Variants in EXO1 observed in about 807,000 individuals in gnomAD.
EXO1 encodes exonuclease 1.
Under a neutral mutation model 84.5 loss-of-function variants are expected in EXO1, and 69 were observed. The observed-to-expected ratio is 0.82, with a 90% CI of 0.67 to 1.00. The LOEUF (loss-of-function observed/expected upper bound fraction) is 1.00, where lower values mean the gene tolerates loss of function less well. EXO1 is among the 50% of genes least tolerant of loss of function. EXO1 has a pLI of 0.00. For synonymous variants in EXO1, 373 were observed against 366.1 expected (o/e 1.02, Z -0.21); for missense variants, 1,045 against 1,000.7 (o/e 1.04, Z -0.60).
intron 12 of EXO1, among the ~76,000 whole-genome samples, chr1:241,876,900 T>C (rs143530227): frequency 7.2e-5 from 11 of 152,208 alleles, no homozygotes; most frequent in Non-Finnish European, 1.5e-4. Context: ...TTTCACACAC[T>C]GTTCACCTCC....
rs147187589 is a variant in EXO1, at chr1:241,859,899, G to A, written c.757-618G>A. On this transcript the variant is annotated intron_variant, in intron 8 of 15. Coordinates refer to ENST00000366548, the MANE Select transcript of EXO1 (RefSeq NM_130398.4). The stretch of plus-strand genomic sequence containing the variant: ...ATTTTTCTATTTCCAGGAGTATAAG[G>A]CCTGAGTCCTCAGGACTAAGAGTGA... Among the ~76,000 whole-genome samples the A allele has an allele frequency of 5.0e-4, 76 of 152,246 alleles. 1 individual carries two copies. Among genetic ancestry groups the A allele is most frequent in the African/African-American group, 1.7e-3 (69 of 41,544 alleles).
At chr1:241,861,320 A>G in intron 9 of EXO1, 86 bp from the exon 10 acceptor site, 1 of 763,254 alleles carries the variant, frequency 1.3e-6, no homozygotes, top group South Asian at 1.4e-5. Context: ...GATTTTCGTG[A>G]CAATAGAAAA....
chr1:241,883,042 G>A lies in EXO1; in HGVS notation c.2211+1025G>A, dbSNP rs1574185877. ...AAATAACCTAAATAACAATAAGGGA[G>A]TGAGTTATTAAATAATCATTGGTTT... On this transcript the variant is annotated intron_variant, in intron 14 of 15. Coordinates refer to ENST00000366548, the MANE Select transcript of EXO1 (RefSeq NM_130398.4). 2.0e-5 allele frequency among the ~76,000 whole-genome samples: 3 copies of A among 152,180 alleles called. No homozygotes were observed. In the South Asian group the frequency reaches 6.2e-4, roughly 31 times the overall value.
At chr1:241,875,604 C>T (rs546114398) in intron 12 of EXO1, among the ~76,000 whole-genome samples, 1 of 152,254 alleles carries the variant, frequency 6.6e-6, no homozygotes, top group South Asian at 2.1e-4. Flanking sequence ...TTGGGCCGGC[C>T]GTGGTGGTTC....
At chr1:241,880,220 G>C (rs188093449) in intron 13 of EXO1, among the ~76,000 whole-genome samples, 25 of 152,056 alleles carry the variant, frequency 1.6e-4, no homozygotes, top group Admixed American at 1.2e-3. Flanking sequence ...TCTTTATCTC[G>C]TCTTTTTCAT....
In EXO1 at chr1:241,852,418, T is replaced by G. The variant is rs1451980366; in HGVS notation, c.281+7T>G. On this transcript the variant is annotated splice_region_variant and intron_variant, in intron 5 of 15. Coordinates refer to ENST00000366548, the MANE Select transcript of EXO1 (RefSeq NM_130398.4). ...TAGAGAGATCTAGAAGAGAGTAAGT[T>G]AATTCTCTACTTAATCTCTAACTTC... The G allele has an allele frequency of 1.3e-6, 2 of 1,594,404 alleles. No individual in the cohort carries two copies. Among genetic ancestry groups the G allele is most frequent in the East Asian group, 4.5e-5 (2 of 44,736 alleles).
Position 241,866,994 on chromosome 1 carries a change from G to T in EXO1, c.1206G>T (p.Val402=). 1 of 1,614,086 alleles carries T rather than the reference G, an allele frequency of 6.2e-7. No homozygotes were observed. The highest frequency in any genetic ancestry group is 8.5e-7 in the Non-Finnish European group (1 of 1,179,972). ...ENPSTVGVER[V]ISTKGLNLPR... ...CAAGTACTGTGGGAGTGGAACGAGT[G>T]ATTAGTACTAAAGGGTTAAATCTCC... Residue 402 remains valine, a synonymous_variant, in exon 11 of 16, where the codon GTG becomes GTT. Coordinates refer to ENST00000366548, the MANE Select transcript of EXO1 (RefSeq NM_130398.4).
At chr1:241,857,812 C>A (rs1661150510) in intron 7 of EXO1, among the ~76,000 whole-genome samples, 1 of 151,910 alleles carries the variant, frequency 6.6e-6, no homozygotes, top group African/African-American at 2.4e-5. Flanking sequence ...TGTGGACGTA[C>A]CAGTTTTATT....
intron 11 of EXO1, among the ~76,000 whole-genome samples, chr1:241,868,052 G>T (rs1392022979): frequency 6.6e-6 from 1 of 151,894 alleles, no homozygotes; most frequent in Non-Finnish European, 1.5e-5. Flanking sequence ...ACCAGGCTTG[G>T]CAACACACTG....
intron 13 of EXO1, among the ~76,000 whole-genome samples, chr1:241,880,694 C>T (rs927823278): frequency 1.3e-5 from 2 of 152,166 alleles, no homozygotes; most frequent in Non-Finnish European, 2.9e-5. Flanking sequence ...TATAATCTTT[C>T]TTTGATGGAG....
In EXO1 at chr1:241,850,401, C is replaced by G. The variant is rs1366844278; in HGVS notation, c.-17-8C>G. The G allele has an allele frequency of 1.9e-6, 3 of 1,581,400 alleles. No individual in the cohort carries two copies. Among genetic ancestry groups the G allele is most frequent in the Non-Finnish European group, 2.6e-6 (3 of 1,150,584 alleles). On this transcript the variant is annotated splice_polypyrimidine_tract_variant and splice_region_variant and intron_variant, in intron 3 of 15. Transcript: ENST00000366548. Reference sequence around the variant, plus strand: ...TATTACTGTTCTCCCTGTCTCTTTTCATATCAGGTAGTTAATTTGGCACCA... The same window carrying G: ...TATTACTGTTCTCCCTGTCTCTTTTGATATCAGGTAGTTAATTTGGCACCA...
At chr1:241,859,587 C>T (rs1221779037) in intron 8 of EXO1, among the ~76,000 whole-genome samples, 1 of 152,152 alleles carries the variant, frequency 6.6e-6, no homozygotes, top group Non-Finnish European at 1.5e-5. Context: ...ACTTGGGCCC[C>T]ATCCCTAAGT....
rs1574198161 is a variant in EXO1, at chr1:241,889,703, C to T, written c.*103C>T. 1 of 1,132,116 alleles carries T rather than the reference C, an allele frequency of 8.8e-7. No individual in the cohort carries two copies. The highest frequency in any genetic ancestry group is 2.4e-5 in the East Asian group (1 of 42,446). The allele number at this position is 1,132,116 out of a possible 1,614,324, so 70.1% of individuals were successfully genotyped here. A position where few individuals can be genotyped will look rare whatever the true frequency, so the allele number is the denominator to read the frequency against. Reference sequence around the variant, plus strand: ...TCAGCATGAAGAATTTTTTCTCATTCTGTGCCATTTTAAAAATAGAATACA... The same window carrying T: ...TCAGCATGAAGAATTTTTTCTCATTTTGTGCCATTTTAAAAATAGAATACA... On this transcript the variant is annotated 3_prime_UTR_variant, in exon 16 of 16. Coordinates refer to ENST00000366548, the MANE Select transcript of EXO1 (RefSeq NM_130398.4).
rs778890937 is a variant in EXO1 at position 241,872,278 on chromosome 1, G to A, written c.1514G>A (p.Arg505Lys). The A allele has an allele frequency of 4.3e-6, 7 of 1,613,848 alleles. No individual in the cohort carries two copies. Among genetic ancestry groups the A allele is most frequent in the Non-Finnish European group, 5.9e-6 (7 of 1,179,836 alleles). Reference sequence around the variant, plus strand: ...GTTGTGGTTCCAGGGACCAGAAGCAGGTATAGTTATGTCTCCAGAATGTTG... The same window carrying A: ...GTTGTGGTTCCAGGGACCAGAAGCAAGTATAGTTATGTCTCCAGAATGTTG... Reference protein sequence around the residue: ...GAVVVPGTRSRFFCSSDSTDC... With the variant: ...GAVVVPGTRSKFFCSSDSTDC... Residue 505 changes from arginine to lysine, a missense_variant and splice_region_variant, in exon 12 of 16, where the codon AGG becomes AAG. Transcript: ENST00000366548.
rs1287242199 is a variant in EXO1, at chr1:241,882,113, C to T, written c.2211+96C>T. ...ACAAGCAGAATTAAAAATCAAAATA[C>T]CTGTAGTCTCATTTATATAAAAATG... On this transcript the variant is annotated intron_variant, in intron 14 of 15. Coordinates refer to ENST00000366548, the MANE Select transcript of EXO1 (RefSeq NM_130398.4). The T allele has an allele frequency of 3.6e-5, 24 of 664,726 alleles. 1 individual carries two copies. The East Asian group carries it at 6.2e-4, about 17-fold the overall frequency. The allele number at this position is 664,726 out of a possible 1,614,324, so 41.2% of individuals were successfully genotyped here.
intron 6 of EXO1, among the ~76,000 whole-genome samples, chr1:241,855,536 G>A (rs1290300701): frequency 1.3e-5 from 2 of 152,226 alleles, no homozygotes; most frequent in African/African-American, 4.8e-5. Flanking sequence ...GATCCCGCAC[G>A]GGGCTGCAGG....
chr1:241,878,669 C>A, intron 12 of EXO1, 80 bp from the exon 13 acceptor site: 1 of 800,810 alleles, frequency 1.2e-6, no homozygotes. Flanking sequence ...ACTGATTATT[C>A]CATTTTGAAT....
At chr1:241,881,820 T>G in intron 13 of EXO1, 96 bp from the exon 14 acceptor site, 1 of 658,772 alleles carries the variant, frequency 1.5e-6, no homozygotes, top group East Asian at 2.8e-5. Context: ...CCCATGTTCT[T>G]ATTTATCTTC....
chr1:241,862,474 G>A lies in EXO1; in HGVS notation c.1041+972G>A, dbSNP rs192105136. ...CCACAGAATTCTCACTGTCTCTTGC[G>A]TCTCTGATTTCCTGTAGCCTCCAAG... is the stretch of plus-strand genomic sequence containing the variant. On this transcript the variant is annotated intron_variant, in intron 10 of 15. Coordinates refer to ENST00000366548, the MANE Select transcript of EXO1 (RefSeq NM_130398.4). 3.7e-3 allele frequency among the ~76,000 whole-genome samples: 568 copies of A among 152,182 alleles called. 4 individuals carry two copies. The highest frequency in any genetic ancestry group is 0.017 in the Middle Eastern group (5 of 294).
Sources: allele counts gnomAD v4.1 joint callset (sites outside exome capture counted in the v4.1 genomes callset), GRCh38; gene constraint gnomAD v4.1.1; transcripts MANE v1.5; gene names NCBI Gene and HGNC (gene_info 2026-07-23, HGNC 2026-07-21).